DOCK3: variants seen among roughly 807,000 people sequenced by gnomAD.
DOCK3 encodes dedicator of cytokinesis protein 3.
In DOCK3, 60 loss-of-function variants were observed where a neutral mutation model predicts 265.6. The observed-to-expected ratio is 0.23, with a 90% CI of 0.18 to 0.28. The LOEUF (loss-of-function observed/expected upper bound fraction) is 0.28, where lower values mean the gene tolerates loss of function less well. Among genes scored for constraint, DOCK3 ranks in the 10% least tolerant of loss-of-function variants. The pLI, the probability that DOCK3 is intolerant of heterozygous loss-of-function variation, is 1.00. For synonymous variants in DOCK3, 881 were observed against 938.0 expected (o/e 0.94, Z 1.11); for missense variants, 1,981 against 2,594.3 (o/e 0.76, Z 5.14).
chr3:50,726,247 C>T (rs1395282884), intron 1 of DOCK3, among the ~76,000 whole-genome samples: 1 of 152,078 alleles, frequency 6.6e-6, no homozygotes, highest in African/African-American at 2.4e-5. Context: ...GGATACAGAA[C>T]TCTGTGGATT....
intron 1 of DOCK3, among the ~76,000 whole-genome samples, chr3:50,697,268 G>A (rs756287124): frequency 7.9e-5 from 12 of 151,986 alleles, no homozygotes; most frequent in East Asian, 1.9e-4. Context: ...TATTTCTGTC[G>A]TTTACTTAAT....
intron 40 of DOCK3, among the ~76,000 whole-genome samples, chr3:51,353,768 G>A (rs2086170478): frequency 6.6e-6 from 1 of 152,180 alleles, no homozygotes; most frequent in Admixed American, 6.5e-5. Flanking sequence ...GGAAGCATAT[G>A]GCTGGCCCTG....
intron 7 of DOCK3, among the ~76,000 whole-genome samples, chr3:51,084,583 CA>C (rs1301331231): frequency 6.6e-6 from 1 of 152,142 alleles, no homozygotes; most frequent in Non-Finnish European, 1.5e-5. Flanking sequence ...ACCAGTCCTA[CA>C]AGAAATGTTT....
intron 5 of DOCK3, among the ~76,000 whole-genome samples, chr3:51,033,170 T>C (rs1251518557): frequency 6.6e-6 from 1 of 152,132 alleles, no homozygotes; most frequent in African/African-American, 2.4e-5. Flanking sequence ...TTTCACAGAA[T>C]TGCCCTTATT....
intron 4 of DOCK3, among the ~76,000 whole-genome samples, chr3:50,917,439 A>G (rs1398415475): frequency 6.6e-6 from 1 of 151,922 alleles, no homozygotes; most frequent in African/African-American, 2.4e-5. Context: ...TTAGTACTTT[A>G]TATTTTCCTG....
intron 12 of DOCK3, among the ~76,000 whole-genome samples, chr3:51,164,623 C>CAAAAAA (rs11399207): frequency 9.4e-6 from 1 of 106,412 alleles, no homozygotes; most frequent in African/African-American, 3.5e-5. Context: ...GACTCCGTCT[C>CAAAAAA]AAAAAAAAAA....
In DOCK3 at chr3:51,143,802, A is replaced by C. The variant is rs549068559; in HGVS notation, c.747-2747A>C. Among the ~76,000 whole-genome samples, 421 of 152,284 alleles carry C rather than the reference A, an allele frequency of 2.8e-3. 1 individual carries two copies. Among genetic ancestry groups the C allele is most frequent in the Admixed American group, 4.4e-3 (68 of 15,292 alleles). ...TAGCTTGTCCTTTCATTTTCTCACC[A>C]GTATCTTTTAAAAAGAAAGCTTTTA... On this transcript the variant is annotated intron_variant, in intron 9 of 52. Coordinates refer to ENST00000266037, the MANE Select transcript of DOCK3 (RefSeq NM_004947.5).
At chr3:51,336,600 C>T (rs986195173) in intron 35 of DOCK3, among the ~76,000 whole-genome samples, 2 of 152,154 alleles carry the variant, frequency 1.3e-5, no homozygotes, top group African/African-American at 4.8e-5. Flanking sequence ...AAGAGGAAAG[C>T]AACAGCTGCA....
intron 3 of DOCK3, among the ~76,000 whole-genome samples, chr3:50,871,127 G>A (rs1031738092): frequency 1.3e-5 from 2 of 151,918 alleles, no homozygotes; most frequent in Non-Finnish European, 2.9e-5. Flanking sequence ...ATGATTACTC[G>A]TTGCTTGTCG....
chr3:50,901,428 A>G (rs1402674839), intron 4 of DOCK3, among the ~76,000 whole-genome samples: 1 of 151,890 alleles, frequency 6.6e-6, no homozygotes, highest in Non-Finnish European at 1.5e-5. Flanking sequence ...AATGAGATCC[A>G]CTGAGCTAGA....
At chr3:50,764,262 T>G (rs1198071986) in intron 1 of DOCK3, among the ~76,000 whole-genome samples, 2 of 152,198 alleles carry the variant, frequency 1.3e-5, no homozygotes, top group Non-Finnish European at 2.9e-5. Flanking sequence ...CTACAGAAGC[T>G]GTATACAATT....
chr3:51,378,166 C>T (rs2088292262), intron 51 of DOCK3, among the ~76,000 whole-genome samples: 1 of 152,186 alleles, frequency 6.6e-6, no homozygotes, highest in South Asian at 2.1e-4. Context: ...AGTGTCTTGC[C>T]TGCAACTCAA....
intron 12 of DOCK3, among the ~76,000 whole-genome samples, chr3:51,174,674 G>A (rs1382339051): frequency 6.6e-6 from 1 of 152,130 alleles, no homozygotes; most frequent in Non-Finnish European, 1.5e-5. Context: ...TTTTGGTGGT[G>A]TCATGTTTGC....
At chr3:51,342,708 A>T (rs2085320155) in intron 38 of DOCK3, among the ~76,000 whole-genome samples, 1 of 152,186 alleles carries the variant, frequency 6.6e-6, no homozygotes, top group Non-Finnish European at 1.5e-5. Context: ...TATTCATCCC[A>T]CATTATAGTA....
At chr3:51,267,747 C>T (rs998118703) in intron 23 of DOCK3, among the ~76,000 whole-genome samples, 8 of 152,070 alleles carry the variant, frequency 5.3e-5, no homozygotes, top group Non-Finnish European at 1.0e-4. Flanking sequence ...AACCCAAATG[C>T]CCATCAGTCA....
At chr3:50,735,298 A>G (rs1329526873) in intron 1 of DOCK3, among the ~76,000 whole-genome samples, 2 of 152,078 alleles carry the variant, frequency 1.3e-5, no homozygotes, top group Non-Finnish European at 2.9e-5. Flanking sequence ...TGTTTATTCT[A>G]TATGAGGTTG....
rs782779611 is a variant in DOCK3, at chr3:51,381,541, C to A, written c.6075C>A (p.His2025Gln). ...KEEQARMAWE[H>Q]GRGEQ ...AGCAGGCCCGCATGGCCTGGGAGCA[C>A]GGCCGAGGGGAGCAGTGAGGGGCAA... Residue 2025 changes from histidine to glutamine, a missense_variant, in exon 53 of 53, where the codon CAC becomes CAA. Coordinates refer to ENST00000266037, the MANE Select transcript of DOCK3 (RefSeq NM_004947.5). The surrounding 1 kb of genome is among the most constrained non-coding windows in gnomAD (Gnocchi z 5.6). 8 of 1,544,766 alleles carry A rather than the reference C, an allele frequency of 5.2e-6. No homozygotes were observed. Among genetic ancestry groups the A allele is most frequent in the South Asian group, 1.2e-5 (1 of 81,074 alleles).
intron 1 of DOCK3, among the ~76,000 whole-genome samples, chr3:50,697,156 C>T (rs1460368464): frequency 6.6e-6 from 1 of 151,692 alleles, no homozygotes; most frequent in East Asian, 2.0e-4. Flanking sequence ...GTCTCAAATT[C>T]CTGACCTCAA....
At chr3:51,105,980 C>G (rs1453011298) in intron 9 of DOCK3, among the ~76,000 whole-genome samples, 2 of 152,182 alleles carry the variant, frequency 1.3e-5, no homozygotes, top group African/African-American at 4.8e-5. Flanking sequence ...ACCACAGACA[C>G]TTATGTTGAC....
Sources: gnomAD v4.1 joint callset for allele counts (sites outside exome capture counted in the v4.1 genomes callset) on GRCh38, gnomAD v4.1.1 for gene constraint, Gnocchi (gnomAD v3.1) non-coding constraint, MANE v1.5 for transcripts, NCBI Gene and HGNC (gene_info 2026-07-23, HGNC 2026-07-21) for gene names.